PDCD6IP: variants seen among roughly 807,000 people sequenced by gnomAD.
PDCD6IP encodes the protein programmed cell death 6 interacting protein, also known as programmed cell death 6-interacting protein.
Under a neutral mutation model 103.7 loss-of-function variants are expected in PDCD6IP, and 43 were observed. The observed-to-expected ratio is 0.41, with a 90% CI of 0.32 to 0.53. PDCD6IP has a LOEUF of 0.53. Among genes scored for constraint, PDCD6IP ranks in the 20% least tolerant of loss-of-function variants. The pLI, the probability that PDCD6IP is intolerant of heterozygous loss-of-function variation, is 0.16. For synonymous variants in PDCD6IP, 354 were observed against 378.7 expected, an observed-to-expected ratio of 0.93 and a Z score of 0.76; for missense variants, 871 against 1,036.7, an observed-to-expected ratio of 0.84 and a Z score of 2.20.
At chr3:33,851,278 G>A (rs9873562) in intron 12 of PDCD6IP, among the ~76,000 whole-genome samples, 44,024 of 150,560 alleles carry the variant, frequency 0.29, 6,670 homozygotes, top group East Asian at 0.41. Context: ...CATCATTGGG[G>A]CAAGCAGAAT....
chr3:33,798,967 G>A, intron 1 of PDCD6IP, 30 bp downstream of exon 1: 1 of 1,488,390 alleles, frequency 6.7e-7, no homozygotes. Flanking sequence ...TGGGTAGGTT[G>A]TCTGCCAGCC....
intron 9 of PDCD6IP, 72 bp from the exon 10 acceptor site, chr3:33,841,825 A>T: frequency 1.0e-6 from 1 of 990,304 alleles, no homozygotes; most frequent in Non-Finnish European, 1.5e-6. Flanking sequence ...ATACTAAATT[A>T]AATAAAGTAA....
At position 33,807,176 on chromosome 3, in the gene PDCD6IP, T is replaced by G. The variant is rs1179049773; in HGVS notation, c.210-4896T>G. Among the ~76,000 whole-genome samples the G allele has an allele frequency of 2.0e-5, 3 of 152,250 alleles. No homozygotes were observed. In the East Asian group the frequency reaches 5.8e-4, roughly 29 times the overall value. On this transcript the variant is annotated intron_variant, in intron 1 of 17. Transcript: ENST00000307296. Reference sequence around the variant, plus strand: ...TATAAAAATTTTAGTGCATTCAGTTTAGCCATTCTTCTTTTCCTCACCCAT... The same window carrying G: ...TATAAAAATTTTAGTGCATTCAGTTGAGCCATTCTTCTTTTCCTCACCCAT...
At chr3:33,817,727 T>TG (rs1376967060) in intron 3 of PDCD6IP, among the ~76,000 whole-genome samples, 1 of 151,608 alleles carries the variant, frequency 6.6e-6, no homozygotes, top group Non-Finnish European at 1.5e-5. Context: ...TACTTCAGCC[T>TG]GGGTGACAGA....
At chr3:33,843,733 A>G (rs770549584) in intron 10 of PDCD6IP, among the ~76,000 whole-genome samples, 71 of 152,270 alleles carry the variant, frequency 4.7e-4, no homozygotes, top group South Asian at 1.7e-3. Flanking sequence ...TGTTTGTTGT[A>G]TTGGAATGAA....
At chr3:33,816,041 A>G (rs1696842534) in intron 3 of PDCD6IP, among the ~76,000 whole-genome samples, 1 of 152,200 alleles carries the variant, frequency 6.6e-6, no homozygotes, top group Non-Finnish European at 1.5e-5. Flanking sequence ...GATGTGAAGG[A>G]ATGCCAGAAG....
intron 3 of PDCD6IP, among the ~76,000 whole-genome samples, chr3:33,817,626 G>C (rs1156230663): frequency 6.6e-6 from 1 of 151,990 alleles, no homozygotes; most frequent in African/African-American, 2.4e-5. Flanking sequence ...GGTGGTGTGT[G>C]CCTGTAGTCC....
chr3:33,848,311 G>A lies in PDCD6IP; in HGVS notation c.1641+2723G>A, dbSNP rs575255165. On this transcript the variant is annotated intron_variant, in intron 12 of 17. Transcript: ENST00000307296. ...GTAAATGTATCAAGTTTCTGCGTTCGTTGCTGTAGACATAGTTGCTTATTT... is the reference window on the plus strand; with the variant it reads ...GTAAATGTATCAAGTTTCTGCGTTCATTGCTGTAGACATAGTTGCTTATTT... Among the ~76,000 whole-genome samples the A allele has an allele frequency of 1.4e-4, 21 of 152,170 alleles. 1 individual carries two copies. In the South Asian group the frequency reaches 3.7e-3, roughly 27 times the overall value.
intron 3 of PDCD6IP, among the ~76,000 whole-genome samples, chr3:33,819,460 C>CT (rs1368163332): frequency 1.3e-5 from 2 of 152,014 alleles, no homozygotes; most frequent in African/African-American, 4.8e-5. Context: ...TTGCTGCAGG[C>CT]TTTTTTCACA....
At chr3:33,847,552 A>AT (rs1380648538) in intron 12 of PDCD6IP, among the ~76,000 whole-genome samples, 3 of 152,234 alleles carry the variant, frequency 2.0e-5, no homozygotes, top group African/African-American at 7.2e-5. Context: ...AATTTTTATG[A>AT]TAAAAACTCA....
rs372388603 is a variant in PDCD6IP, at chr3:33,825,350, A to G, written c.616+10A>G. On this transcript the variant is annotated intron_variant, in intron 5 of 17. Transcript: ENST00000307296. ...TTAAAAGCCACAAGAGGTAACTCCA[A>G]TTTATCTTTTTGTTGCATGTGAAAA... 5 of 1,583,546 alleles carry G rather than the reference A, an allele frequency of 3.2e-6. No homozygotes were observed. The highest frequency in any genetic ancestry group is 2.0e-5 in the Admixed American group (1 of 50,136).
chr3:33,823,705 C>G (rs578203430), intron 4 of PDCD6IP, among the ~76,000 whole-genome samples: 4 of 152,180 alleles, frequency 2.6e-5, no homozygotes, highest in Admixed American at 2.6e-4. Flanking sequence ...TCTCTTGAAC[C>G]GAGGAGGCGG....
intron 15 of PDCD6IP, among the ~76,000 whole-genome samples, chr3:33,858,507 A>G (rs1279544484): frequency 6.6e-6 from 1 of 151,676 alleles, no homozygotes; most frequent in Non-Finnish European, 1.5e-5. Context: ...TAACAAACAT[A>G]AATAAAGAAA....
chr3:33,851,201 G>T, intron 12 of PDCD6IP, among the ~76,000 whole-genome samples: 1 of 152,112 alleles, frequency 6.6e-6, no homozygotes, highest in African/African-American at 2.4e-5. Context: ...GAGAAAGACA[G>T]GGGTGGAGAC....
chr3:33,818,816 C>T (rs1696922592), intron 3 of PDCD6IP, among the ~76,000 whole-genome samples: 1 of 152,162 alleles, frequency 6.6e-6, no homozygotes, highest in African/African-American at 2.4e-5. Flanking sequence ...TGCACCTGGC[C>T]AATCCCTTGC....
intron 9 of PDCD6IP, among the ~76,000 whole-genome samples, chr3:33,841,616 T>G (rs1484507715): frequency 6.6e-6 from 1 of 151,430 alleles, no homozygotes; most frequent in African/African-American, 2.4e-5. Flanking sequence ...TTTTTTGTAT[T>G]TTTAGTAGAG....
chr3:33,848,159 A>G (rs970237358), intron 12 of PDCD6IP, among the ~76,000 whole-genome samples: 5 of 152,086 alleles, frequency 3.3e-5, no homozygotes. Flanking sequence ...CAATGACTGG[A>G]ATCTGTTTGT....
At chr3:33,840,642 G>A (rs7618512) in intron 9 of PDCD6IP, among the ~76,000 whole-genome samples, 2 of 151,846 alleles carry the variant, frequency 1.3e-5, no homozygotes, top group African/African-American at 4.8e-5. Flanking sequence ...CCTTTTTGTC[G>A]TTACATAGTA....
At chr3:33,853,010 G>GCCTC (rs1697753536) in intron 13 of PDCD6IP, among the ~76,000 whole-genome samples, 1 of 148,436 alleles carries the variant, frequency 6.7e-6, no homozygotes, top group Non-Finnish European at 1.5e-5. Flanking sequence ...TGCAAGCTCC[G>GCCTC]CCTCCCGGGT....
Sources: gnomAD v4.1 joint callset for allele counts (sites outside exome capture counted in the v4.1 genomes callset) on GRCh38, gnomAD v4.1.1 for gene constraint, MANE v1.5 for transcripts, NCBI Gene and HGNC (gene_info 2026-07-23, HGNC 2026-07-21) for gene names.